The following ASCC3 variants were observed in gnomAD, a reference collection of about 807,000 sequenced individuals.
The protein encoded by ASCC3 is ASC-1 complex subunit P200.
Under a neutral mutation model 256.3 loss-of-function variants are expected in ASCC3, and 158 were observed. The observed-to-expected ratio is 0.62, with a 90% CI of 0.54 to 0.70. ASCC3 has a LOEUF of 0.70. Ranked by LOEUF, ASCC3 falls within the 30% of genes least tolerant of loss-of-function variation. The pLI is 0.00. For missense variants in ASCC3, 2,259 were observed against 2,626.0 expected (o/e 0.86, Z 3.05); for synonymous variants, 948 against 883.4 (o/e 1.07, Z -1.30).
At chr6:100,756,544 G>T (rs1406692009) in intron 10 of ASCC3, among the ~76,000 whole-genome samples, 2 of 152,016 alleles carry the variant, frequency 1.3e-5, no homozygotes, top group Admixed American at 1.3e-4. Flanking sequence ...TGGGCTTATG[G>T]AAACTCCCTT....
At chr6:100,736,432 C>G (rs180771668) in intron 10 of ASCC3, among the ~76,000 whole-genome samples, 2 of 151,416 alleles carry the variant, frequency 1.3e-5, no homozygotes, top group Admixed American at 1.3e-4. Context: ...ACCAGGGAGG[C>G]GGAGGTTTCA....
rs12661493 is a variant in ASCC3 at position 100,538,081 on chromosome 6, C to A, written c.5775+2082G>T. The stretch of plus-strand genomic sequence containing the variant: ...TAAAAATGAATCAATGAACTGATCA[C>A]GCAATATAGGTTTTAGAAGTAATAT... On this transcript the variant is annotated intron_variant, in intron 37 of 41. Transcript: ENST00000369162. Among the ~76,000 whole-genome samples the A allele has an allele frequency of 0.012, 1,840 of 151,918 alleles. 82 individuals are homozygous for A. The East Asian group carries it at 0.14, about 12-fold the overall frequency.
chr6:100,860,250 T>C (rs2114536185), intron 3 of ASCC3, among the ~76,000 whole-genome samples: 1 of 152,118 alleles, frequency 6.6e-6, no homozygotes, highest in East Asian at 1.9e-4. Flanking sequence ...TCAACAGTCA[T>C]GAAGGAGACA....
At chr6:100,626,117 C>A (rs1476910884) in intron 29 of ASCC3, among the ~76,000 whole-genome samples, 1 of 151,914 alleles carries the variant, frequency 6.6e-6, no homozygotes, top group Non-Finnish European at 1.5e-5. Context: ...CCACATAAAT[C>A]ACTTGGCTTA....
At chr6:100,742,388 T>C (rs913429604) in intron 10 of ASCC3, among the ~76,000 whole-genome samples, 5 of 152,180 alleles carry the variant, frequency 3.3e-5, no homozygotes, top group African/African-American at 9.6e-5. Flanking sequence ...TGGCTGCTTT[T>C]TGGTTTACCA....
At chr6:100,608,922 C>T (rs1262767235) in intron 30 of ASCC3, among the ~76,000 whole-genome samples, 2 of 147,008 alleles carry the variant, frequency 1.4e-5, no homozygotes, top group African/African-American at 5.0e-5. Flanking sequence ...CGCCAACATG[C>T]CCGTCTAATT....
chr6:100,816,206 A>G (rs576969783), intron 4 of ASCC3, among the ~76,000 whole-genome samples: 73 of 152,298 alleles, frequency 4.8e-4, no homozygotes, highest in African/African-American at 1.4e-3. Flanking sequence ...AACCACAATG[A>G]GATACCATCT....
At chr6:100,519,710 T>TA (rs1227803419) in intron 37 of ASCC3, among the ~76,000 whole-genome samples, 3 of 152,240 alleles carry the variant, frequency 2.0e-5, no homozygotes, top group African/African-American at 7.2e-5. Context: ...TGACTGGAAA[T>TA]AAATTCCAGA....
At chr6:100,753,508 T>TA (rs5878645) in intron 10 of ASCC3, among the ~76,000 whole-genome samples, 4 of 140,204 alleles carry the variant, frequency 2.9e-5, no homozygotes, top group African/African-American at 1.0e-4. Context: ...TTTTTTTTTT[T>TA]AAAAAAAAAA....
chr6:100,783,558 C>T (rs925280495), intron 8 of ASCC3, among the ~76,000 whole-genome samples: 1 of 152,176 alleles, frequency 6.6e-6, no homozygotes, highest in African/African-American at 2.4e-5. Context: ...GCAGATGAAT[C>T]TAGACTACCA....
At chr6:100,646,459 C>T (rs1459954665) in intron 22 of ASCC3, among the ~76,000 whole-genome samples, 156 bp downstream of exon 22, 1 of 151,176 alleles carries the variant, frequency 6.6e-6, no homozygotes, top group East Asian at 1.9e-4. Context: ...TACAGGTGCC[C>T]ACCACCATGC....
At chr6:100,709,611 CTT>C (rs1257761460) in intron 13 of ASCC3, among the ~76,000 whole-genome samples, 1 of 152,050 alleles carries the variant, frequency 6.6e-6, no homozygotes, top group Non-Finnish European at 1.5e-5. Flanking sequence ...ATAAAGATTC[CTT>C]TTTCTCTCTT....
At chr6:100,744,342 T>A (rs1180931765) in intron 10 of ASCC3, among the ~76,000 whole-genome samples, 1 of 152,192 alleles carries the variant, frequency 6.6e-6, no homozygotes, top group Admixed American at 6.5e-5. Flanking sequence ...AAAACTGAAC[T>A]GTATTTTCCA....
intron 3 of ASCC3, among the ~76,000 whole-genome samples, chr6:100,854,290 A>G (rs1772832563): frequency 6.6e-6 from 1 of 152,090 alleles, no homozygotes; most frequent in African/African-American, 2.4e-5. Context: ...TTTCTGTGAT[A>G]TAATTTTAAA....
rs556752598 is a variant in ASCC3 at position 100,818,040 on chromosome 6, G to A, written c.802-12160C>T. ...AACCAAAAGCATCAATATAGAAAAC[G>A]AATTATAAATCATGATAGTGAGATT... On this transcript the variant is annotated intron_variant, in intron 4 of 41. Coordinates refer to ENST00000369162, the MANE Select transcript of ASCC3 (RefSeq NM_006828.4). Among the ~76,000 whole-genome samples the A allele has an allele frequency of 1.1e-4, 16 of 152,092 alleles. No homozygotes were observed. In the South Asian group the frequency reaches 2.9e-3, roughly 28 times the overall value.
At chr6:100,561,600 T>A (rs758989509) in intron 36 of ASCC3, among the ~76,000 whole-genome samples, 33 of 152,130 alleles carry the variant, frequency 2.2e-4, no homozygotes, top group Non-Finnish European at 4.0e-4. Flanking sequence ...AGGTCTTAAT[T>A]GATTCTTTCT....
At chr6:100,751,659 G>A (rs1219298676) in intron 10 of ASCC3, among the ~76,000 whole-genome samples, 1 of 152,068 alleles carries the variant, frequency 6.6e-6, no homozygotes, top group East Asian at 1.9e-4. Flanking sequence ...ATTATAGGGA[G>A]CTGCTCAAGA....
intron 5 of ASCC3, among the ~76,000 whole-genome samples, chr6:100,802,228 T>G (rs1220789009): frequency 6.6e-6 from 1 of 151,954 alleles, no homozygotes; most frequent in Non-Finnish European, 1.5e-5. Context: ...GAAACTGACA[T>G]GCAAAAATGA....
intron 13 of ASCC3, among the ~76,000 whole-genome samples, chr6:100,681,893 A>C (rs1777327845): frequency 1.3e-5 from 2 of 152,122 alleles, no homozygotes; most frequent in South Asian, 4.1e-4. Context: ...ATGGGCAAAC[A>C]TCTTTACTTC....
Sources: allele counts gnomAD v4.1 joint callset (sites outside exome capture counted in the v4.1 genomes callset), GRCh38; gene constraint gnomAD v4.1.1; transcripts MANE v1.5; gene names NCBI Gene and HGNC (gene_info 2026-07-23, HGNC 2026-07-21).